The following IMMP2L variants were observed in gnomAD, a reference collection of about 807,000 sequenced individuals.
IMMP2L encodes mitochondrial inner membrane protease subunit 2.
A neutral mutation model predicts 19.3 loss-of-function variants in IMMP2L; 18 were observed. The ratio of observed to expected loss-of-function variants is 0.93; its 90% CI spans 0.64 to 1.38. IMMP2L has a LOEUF of 1.38. Ranked by LOEUF, IMMP2L falls within the 40% of genes most tolerant of loss-of-function variation. IMMP2L has a pLI of 0.00. For synonymous variants in IMMP2L, 76 were observed against 73.0 expected (o/e 1.04, Z -0.21); for missense variants, 233 against 218.2 (o/e 1.07, Z -0.43).
intron 3 of IMMP2L, among the ~76,000 whole-genome samples, chr7:111,141,534 A>G (rs1203153116): frequency 6.6e-6 from 1 of 151,824 alleles, no homozygotes; most frequent in Non-Finnish European, 1.5e-5. Context: ...TACCTACAAT[A>G]ATTTATTCCC....
intron 4 of IMMP2L, among the ~76,000 whole-genome samples, chr7:110,891,497 A>C (rs567829445): frequency 6.6e-6 from 1 of 152,224 alleles, no homozygotes; most frequent in Non-Finnish European, 1.5e-5. Flanking sequence ...CCAGCTGACA[A>C]GAACCCACAA....
In IMMP2L at chr7:110,760,634, C is replaced by T. The variant is rs967308991; in HGVS notation, c.409-96913G>A. On this transcript the variant is annotated intron_variant, in intron 5 of 5. Coordinates refer to ENST00000405709, the MANE Select transcript of IMMP2L (RefSeq NM_032549.4). This position sits in a 1 kb window ranked among gnomAD's most constrained non-coding sequence, Gnocchi z 4.2. Reference sequence around the variant, plus strand: ...TTGAAAGGGAGCAACGTGTTGGTTACGTTTTCCTTCCAACATATCACAGAA... The same window carrying T: ...TTGAAAGGGAGCAACGTGTTGGTTATGTTTTCCTTCCAACATATCACAGAA... Among the ~76,000 whole-genome samples the T allele has an allele frequency of 4.6e-5, 7 of 152,158 alleles. No individual in the cohort carries two copies. Among genetic ancestry groups the T allele is most frequent in the East Asian group, 1.9e-4 (1 of 5,180 alleles).
intron 3 of IMMP2L, among the ~76,000 whole-genome samples, chr7:111,188,290 G>A (rs1263400226): frequency 6.6e-6 from 1 of 152,086 alleles, no homozygotes; most frequent in Non-Finnish European, 1.5e-5. Context: ...TAAATTGGGT[G>A]GCTTATGAAC....
At chr7:110,694,158 T>C (rs1431187325) in intron 5 of IMMP2L, among the ~76,000 whole-genome samples, 1 of 152,178 alleles carries the variant, frequency 6.6e-6, no homozygotes, top group African/African-American at 2.4e-5. Flanking sequence ...AGTCTTTTTA[T>C]TTCTTTTTCC....
chr7:111,497,071 C>T (rs1289237875), intron 2 of IMMP2L, among the ~76,000 whole-genome samples: 1 of 152,030 alleles, frequency 6.6e-6, no homozygotes, highest in Non-Finnish European at 1.5e-5. Context: ...TGATTTAATT[C>T]AGAATTACAC....
At chr7:110,936,390 G>A (rs998291046) in intron 4 of IMMP2L, among the ~76,000 whole-genome samples, 2 of 152,130 alleles carry the variant, frequency 1.3e-5, no homozygotes, top group African/African-American at 2.4e-5. Flanking sequence ...GTGGGCAAAG[G>A]ATATGAATAG....
intron 3 of IMMP2L, among the ~76,000 whole-genome samples, chr7:111,256,994 A>G (rs1049290777): frequency 6.6e-6 from 1 of 151,890 alleles, no homozygotes; most frequent in Non-Finnish European, 1.5e-5. Context: ...CAATAAATAA[A>G]AGTAGAGTAG....
intron 5 of IMMP2L, among the ~76,000 whole-genome samples, chr7:110,695,191 T>A (rs536919832): frequency 4.6e-5 from 7 of 152,274 alleles, no homozygotes; most frequent in African/African-American, 1.7e-4. Context: ...GTTCACTTTT[T>A]ATTGTTTGTC....
intron 5 of IMMP2L, among the ~76,000 whole-genome samples, chr7:110,872,855 A>G (rs934563133): frequency 5.9e-5 from 9 of 152,210 alleles, no homozygotes; most frequent in Non-Finnish European, 7.3e-5. Flanking sequence ...AAAACTGCTC[A>G]TGCTCATGGC....
At chr7:110,720,944 T>A (rs141710055) in intron 5 of IMMP2L, among the ~76,000 whole-genome samples, 151 of 152,212 alleles carry the variant, frequency 9.9e-4, no homozygotes, top group African/African-American at 3.4e-3. Flanking sequence ...AAGTGGTGCT[T>A]TGGGAAGGCT....
intron 3 of IMMP2L, among the ~76,000 whole-genome samples, chr7:110,989,643 G>A (rs1007374480): frequency 2.0e-5 from 3 of 146,988 alleles, no homozygotes; most frequent in African/African-American, 7.5e-5. Flanking sequence ...AATATTTATT[G>A]TACTTATAAT....
At chr7:111,263,179 T>G (rs1817503360) in intron 3 of IMMP2L, among the ~76,000 whole-genome samples, 1 of 152,090 alleles carries the variant, frequency 6.6e-6, no homozygotes, top group Non-Finnish European at 1.5e-5. Context: ...ACTGGTATCT[T>G]CAACAAATAC....
At chr7:111,067,068 A>ATCTTT (rs1794575687) in intron 3 of IMMP2L, among the ~76,000 whole-genome samples, 1 of 152,200 alleles carries the variant, frequency 6.6e-6, no homozygotes, top group Non-Finnish European at 1.5e-5. Flanking sequence ...GACAATGGAA[A>ATCTTT]CTTCATGTCT....
At chr7:110,980,295 T>A (rs1218805821) in intron 3 of IMMP2L, among the ~76,000 whole-genome samples, 1 of 144,626 alleles carries the variant, frequency 6.9e-6, no homozygotes, top group African/African-American at 2.6e-5. Context: ...TGGAGCAATC[T>A]TGGCTCACTG....
intron 3 of IMMP2L, among the ~76,000 whole-genome samples, chr7:111,199,541 A>G (rs985579696): frequency 6.6e-6 from 1 of 152,162 alleles, no homozygotes; most frequent in African/African-American, 2.4e-5. Flanking sequence ...GGTAATCACT[A>G]AAGTTATTCT....
At chr7:110,927,096 T>G in intron 4 of IMMP2L, among the ~76,000 whole-genome samples, 1 of 152,086 alleles carries the variant, frequency 6.6e-6, no homozygotes, top group East Asian at 1.9e-4. Flanking sequence ...TATTTATTTC[T>G]GCCTGTTGAT....
intron 5 of IMMP2L, among the ~76,000 whole-genome samples, chr7:110,695,711 T>C (rs138630246): frequency 8.7e-4 from 133 of 152,188 alleles, no homozygotes; most frequent in Middle Eastern, 3.4e-3. Flanking sequence ...AGCAGCATAA[T>C]GTAGGGTGCT....
chr7:110,827,647 T>C (rs1480863563), intron 5 of IMMP2L, among the ~76,000 whole-genome samples: 1 of 152,180 alleles, frequency 6.6e-6, no homozygotes, highest in Non-Finnish European at 1.5e-5. Context: ...TGATTAATTC[T>C]GCCCAAAGAA....
intron 4 of IMMP2L, among the ~76,000 whole-genome samples, chr7:110,895,669 C>T (rs1030897771): frequency 3.9e-5 from 6 of 152,156 alleles, no homozygotes; most frequent in African/African-American, 1.4e-4. Flanking sequence ...CATAGCATAT[C>T]TTTCCAATTT....
Sources: gnomAD v4.1 joint callset for allele counts (sites outside exome capture counted in the v4.1 genomes callset) on GRCh38, gnomAD v4.1.1 for gene constraint, Gnocchi (gnomAD v3.1) non-coding constraint, MANE v1.5 for transcripts, NCBI Gene and HGNC (gene_info 2026-07-23, HGNC 2026-07-21) for gene names.